DGKK: variants seen among roughly 807,000 people sequenced by gnomAD.
DGKK encodes diacylglycerol kinase kappa, also known as 142 kDa diacylglycerol kinase.
A neutral mutation model predicts 92.2 loss-of-function variants in DGKK; 35 were observed. The observed-to-expected ratio is 0.38, with a 90% CI of 0.29 to 0.50. DGKK has a LOEUF of 0.50. Among genes scored for constraint, DGKK ranks in the 20% least tolerant of loss-of-function variants. The probability of loss-of-function intolerance (pLI) is 0.92; values close to 1 mark genes in which losing one functional copy is unlikely to be tolerated. For missense variants in DGKK, 910 were observed against 992.2 expected, an observed-to-expected ratio of 0.92 and a Z score of 1.11; for synonymous variants, 368 against 360.6, an observed-to-expected ratio of 1.02 and a Z score of -0.23.
chrX:50,384,173 T>C lies in DGKK; in HGVS notation c.2544A>G (p.Glu848=), dbSNP rs1421749291. The C allele has an allele frequency of 5.2e-6, 6 of 1,143,222 alleles. No homozygotes were observed. Among genetic ancestry groups the C allele is most frequent in the East Asian group, 3.1e-5 (1 of 31,772 alleles). The allele number at this position is 1,143,222 out of a possible 1,213,427, so 94.2% of individuals were successfully genotyped here. A position where few individuals can be genotyped will look rare whatever the true frequency, so the allele number is the denominator to read the frequency against. The change falls in exon 17 of 28, where the codon GAA becomes GAG. Residue 848 remains glutamate (E), a synonymous_variant. Coordinates refer to ENST00000611977, the MANE Select transcript of DGKK (RefSeq NM_001013742.4). ...TGATAGAGTTAAATACTTACATAGA[T>C]TCAGGTGTAAAATGTAAGTGATCCA... ...LNLDHLHFTP[E]SIRFKEKCVM... is the part of the protein sequence containing the mutation.
chrX:50,463,072 G>A (rs1926801233), intron 1 of DGKK, among the ~76,000 whole-genome samples: 1 of 106,149 alleles, frequency 9.4e-6, no homozygotes, highest in South Asian at 4.5e-4. Flanking sequence ...TTATTGTGGG[G>A]GATGGAGAGG....
intron 26 of DGKK, among the ~76,000 whole-genome samples, chrX:50,371,479 G>T (rs916765760): frequency 4.7e-4 from 53 of 111,796 alleles, no homozygotes; most frequent in African/African-American, 1.6e-3. Flanking sequence ...TACAGAATGA[G>T]CCTTCTTTCT....
rs782338456 is a variant in DGKK, at chrX:50,450,855, C to A, written c.645+19179G>T. 1.1e-4 allele frequency among the ~76,000 whole-genome samples: 12 copies of A among 111,499 alleles called. No homozygotes were observed. In the South Asian group the frequency reaches 2.3e-3, roughly 21 times the overall value. ...GATCTTGGAGACCTTGTCAGGGTAG[C>A]CAAACTTGATATCAGAGCTCAGGTC... On this transcript the variant is annotated intron_variant, in intron 1 of 27. Coordinates refer to ENST00000611977, the MANE Select transcript of DGKK (RefSeq NM_001013742.4).
chrX:50,447,352 TATATAA>T (rs1569545058), intron 1 of DGKK, among the ~76,000 whole-genome samples: 5 of 8,481 alleles, frequency 5.9e-4, no homozygotes, highest in African/African-American at 4.4e-3. Flanking sequence ...ATTATATATA[TATATAA>T]TATATATATA....
intron 1 of DGKK, among the ~76,000 whole-genome samples, chrX:50,438,537 A>G (rs945614253): frequency 8.9e-6 from 1 of 111,908 alleles, no homozygotes; most frequent in African/African-American, 3.2e-5. Context: ...TCTTTCCTGG[A>G]AAGTGGGGAG....
At position 50,398,998 on chromosome X, in the gene DGKK, A is replaced by G. The variant is rs182943708; in HGVS notation, c.1411+2039T>C. On this transcript the variant is annotated intron_variant, in intron 8 of 27. Transcript: ENST00000611977. ...TCTTATTTACTAAGTCATCAATTTC[A>G]TCACCTCTTTGGTCAACTACCTGGT... 2.4e-3 allele frequency among the ~76,000 whole-genome samples: 273 copies of G among 112,536 alleles called. 2 individuals are homozygous for G. Among genetic ancestry groups the G allele is most frequent in the Admixed American group, 3.2e-3 (34 of 10,676 alleles).
At chrX:50,377,709 T>C (rs1195539189) in intron 22 of DGKK, among the ~76,000 whole-genome samples, 1 of 112,441 alleles carries the variant, frequency 8.9e-6, no homozygotes, top group Non-Finnish European at 1.9e-5. Flanking sequence ...ATGCAGAATC[T>C]GTTGCTGAAG....
At chrX:50,374,432 T>C (rs1924219667) in intron 25 of DGKK, among the ~76,000 whole-genome samples, 1 of 112,012 alleles carries the variant, frequency 8.9e-6, no homozygotes, top group South Asian at 3.8e-4. Flanking sequence ...TTTGGACTTC[T>C]AGCTTCCAGA....
intron 4 of DGKK, among the ~76,000 whole-genome samples, chrX:50,414,416 C>T (rs1056452209): frequency 2.7e-5 from 3 of 111,112 alleles, no homozygotes; most frequent in Non-Finnish European, 3.8e-5. Flanking sequence ...TTTAATCATG[C>T]CACCTCGTAT....
At chrX:50,426,248 T>C (rs1557229705) in intron 1 of DGKK, among the ~76,000 whole-genome samples, 1 of 111,891 alleles carries the variant, frequency 8.9e-6, no homozygotes, top group Non-Finnish European at 1.9e-5. Context: ...CATTCACAGT[T>C]TAAAGTGTTG....
rs2076148042 is a variant in DGKK, at chrX:50,470,315, C to G, written c.364G>C (p.Ala122Pro). ...GCAGGTTCTGGAGTCGGCTCTGGGG[C>G]AGACTCTGTGGCAGGTTCTGGGGCC... ...EPAPEPATESAPEPTPEPALE... is the reference protein window; with the variant it reads ...EPAPEPATESPPEPTPEPALE... The change falls in exon 1 of 28, where the codon GCC (alanine) becomes CCC (proline). Residue 122 changes from alanine (A) to proline (P), a missense_variant. By Grantham distance (27) the Ala-to-Pro change is conservative (BLOSUM62 -1). Coordinates refer to ENST00000611977, the MANE Select transcript of DGKK (RefSeq NM_001013742.4). 1 of 1,205,963 alleles carries G rather than the reference C, an allele frequency of 8.3e-7. No individual in the cohort carries two copies. The highest frequency in any genetic ancestry group is 1.1e-6 in the Non-Finnish European group (1 of 893,529).
At chrX:50,430,106 A>C (rs997437260) in intron 1 of DGKK, among the ~76,000 whole-genome samples, 2 of 112,373 alleles carry the variant, frequency 1.8e-5, no homozygotes, top group African/African-American at 6.5e-5. Flanking sequence ...TGGAGTTAAA[A>C]CATTTGTCAG....
In DGKK at chrX:50,469,958, C is replaced by T. The variant is rs1029587527; in HGVS notation, c.645+76G>A. 4.0e-5 allele frequency: 45 copies of T among 1,116,275 alleles called. No homozygotes were observed. The South Asian group carries it at 9.5e-4, about 24-fold the overall frequency. The allele number at this position is 1,116,275 out of a possible 1,213,427, so 92.0% of individuals were successfully genotyped here. A position where few individuals can be genotyped will look rare whatever the true frequency, so the allele number is the denominator to read the frequency against. On this transcript the variant is annotated intron_variant, in intron 1 of 27. Coordinates refer to ENST00000611977, the MANE Select transcript of DGKK (RefSeq NM_001013742.4). ...CAGACAAGCGGGATGCAAGGGGTACCCGGAGTCCCGCGGGCTCCATAGCCA... is the reference window on the plus strand; with the variant it reads ...CAGACAAGCGGGATGCAAGGGGTACTCGGAGTCCCGCGGGCTCCATAGCCA...
intron 1 of DGKK, among the ~76,000 whole-genome samples, chrX:50,444,360 G>A (rs1926238378): frequency 9.0e-6 from 1 of 110,645 alleles, no homozygotes; most frequent in South Asian, 3.9e-4. Context: ...ATTTCACAGG[G>A]GTTTGTTGTA....
chrX:50,425,095 G>T (rs1267599748), intron 1 of DGKK, among the ~76,000 whole-genome samples: 5 of 111,569 alleles, frequency 4.5e-5, no homozygotes. Flanking sequence ...CAACATGCAA[G>T]ACTGCCATTT....
In DGKK at chrX:50,371,832, C is replaced by T; in HGVS notation, c.3504G>A (p.Leu1168=). Residue 1168 remains leucine, a splice_region_variant and synonymous_variant, in exon 26 of 28, where the codon CTG becomes CTA. Transcript: ENST00000611977. The stretch of plus-strand genomic sequence containing the variant: ...GTGCAGTCTCATCCTCAGCACTTCT[C>T]AGCTGGTACAGACAGGAAAAAGAGT... ...DTTAFLDEKL[L]RSAEDETALQ... 8.6e-7 allele frequency: 1 copy of T among 1,164,193 alleles called. No individual in the cohort carries two copies.
In DGKK at chrX:50,470,492, G is replaced by C. The variant is rs1202394376; in HGVS notation, c.187C>G (p.Pro63Ala). ...GAGGTCGCCTCTGGACAGGGACCTG[G>C]AGCAAGCTCTGGACAGGGCTCTGGT... ...PIPEPCPELA[P>A]GPCPEATSES... Residue 63 changes from proline (P) to alanine (A), a missense_variant, in exon 1 of 28, where the codon CCA becomes GCA. By Grantham distance (27) the Pro-to-Ala change is conservative. Coordinates refer to ENST00000611977, the MANE Select transcript of DGKK (RefSeq NM_001013742.4). 14 of 1,211,479 alleles carry C rather than the reference G, an allele frequency of 1.2e-5. No homozygotes were observed. Among genetic ancestry groups the C allele is most frequent in the Non-Finnish European group, 1.6e-5 (14 of 895,441 alleles).
In DGKK at chrX:50,393,770, CCA is replaced by C. The variant is rs782491224; in HGVS notation, c.1412-437_1412-436del. Among the ~76,000 whole-genome samples, 17 of 111,679 alleles carry C rather than the reference CCA, an allele frequency of 1.5e-4. No homozygotes were observed. In the East Asian group the frequency reaches 3.7e-3, roughly 24 times the overall value. ...AGCACACAACTAGTCCTTTCTCTGC[CCA>C]GGATACCTCAGTTCTTATAGTGAGA... On this transcript the variant is annotated intron_variant, in intron 8 of 27. Transcript: ENST00000611977.
At chrX:50,407,786 G>A (rs189576104) in intron 4 of DGKK, among the ~76,000 whole-genome samples, 25 of 112,154 alleles carry the variant, frequency 2.2e-4, no homozygotes, top group Non-Finnish European at 3.4e-4. Flanking sequence ...GCCCTGCAGA[G>A]AACATCAAGG....
Sources: gnomAD v4.1 joint callset for allele counts (sites outside exome capture counted in the v4.1 genomes callset) on GRCh38, gnomAD v4.1.1 for gene constraint, MANE v1.5 for transcripts, NCBI Gene and HGNC (gene_info 2026-07-23, HGNC 2026-07-21) for gene names.